The following CUL2 variants were observed in gnomAD, a reference collection of about 807,000 sequenced individuals.
The protein encoded by CUL2 is cullin 2.
Under a neutral mutation model 110.2 loss-of-function variants are expected in CUL2, and 22 were observed. The observed-to-expected ratio is 0.20, with a 90% CI of 0.14 to 0.28. The LOEUF is 0.28. Ranked by LOEUF, CUL2 falls within the 10% of genes least tolerant of loss-of-function variation. CUL2 has a pLI of 1.00. For missense variants in CUL2, 631 were observed against 905.5 expected (o/e 0.70, Z 3.89); for synonymous variants, 279 against 293.2 (o/e 0.95, Z 0.49).
At chr10:35,074,355 G>C in intron 1 of CUL2, 2 of 695,738 alleles carry the variant, frequency 2.9e-6, no homozygotes, top group African/African-American at 1.8e-5. Flanking sequence ...ACTTCTCTCT[G>C]CTTAGAGATC....
intron 1 of CUL2, among the ~76,000 whole-genome samples, chr10:35,081,068 G>C (rs905044402): frequency 3.9e-5 from 6 of 151,992 alleles, no homozygotes; most frequent in African/African-American, 1.2e-4. Flanking sequence ...TAAAATTATA[G>C]TAGCTGGGCC....
At chr10:35,012,027 A>G in intron 19 of CUL2, 63 bp from the exon 20 acceptor site, 1 of 973,678 alleles carries the variant, frequency 1.0e-6, no homozygotes, top group Non-Finnish European at 1.5e-6. Flanking sequence ...CTTGTTTTCA[A>G]TTCATTTTAT....
intron 8 of CUL2, among the ~76,000 whole-genome samples, chr10:35,039,929 G>T (rs1564714123): frequency 6.6e-6 from 1 of 152,132 alleles, no homozygotes. Context: ...GAGGTGGGTG[G>T]ATCACATGAG....
intron 18 of CUL2, among the ~76,000 whole-genome samples, chr10:35,015,686 GTTATTC>G (rs2085009775): frequency 6.6e-6 from 1 of 152,146 alleles, no homozygotes; most frequent in Non-Finnish European, 1.5e-5. Context: ...CTAATGGCTT[GTTATTC>G]TTGTGACAGA....
chr10:35,033,948 A>T (rs1808696482), intron 10 of CUL2, among the ~76,000 whole-genome samples: 1 of 152,180 alleles, frequency 6.6e-6, no homozygotes, highest in South Asian at 2.1e-4. Context: ...ATAAGCAAAG[A>T]CTGCCTGCAA....
Position 35,108,071 on chromosome 10 carries a change from C to T in CUL2, c.-50-7011G>A, listed in dbSNP as rs999811737. On this transcript the variant is annotated intron_variant, in intron 1 of 5. Transcript: ENST00000685421. ...TTTCATGTTGGAAAAATAACATCTT[C>T]GCCTTTTGTGAATGGAAAATGGATT... 3.3e-5 allele frequency among the ~76,000 whole-genome samples: 5 copies of T among 151,914 alleles called. No homozygotes were observed. In the East Asian group the frequency reaches 5.8e-4, roughly 18 times the overall value.
At chr10:35,055,178 CTG>C (rs2134879520) in intron 4 of CUL2, among the ~76,000 whole-genome samples, 1 of 152,358 alleles carries the variant, frequency 6.6e-6, no homozygotes, top group Admixed American at 6.5e-5. Flanking sequence ...TAATGTTCAA[CTG>C]TGTAGTTTTT....
At chr10:35,089,043 C>T (rs1230074846) in intron 1 of CUL2, among the ~76,000 whole-genome samples, 2 of 152,110 alleles carry the variant, frequency 1.3e-5, no homozygotes, top group African/African-American at 2.4e-5. Flanking sequence ...GGCATGGTGG[C>T]GCATGCCAGT....
intron 17 of CUL2, among the ~76,000 whole-genome samples, chr10:35,023,992 G>A (rs752170798): frequency 6.6e-5 from 10 of 151,898 alleles, no homozygotes; most frequent in Admixed American, 2.6e-4. Context: ...GCTCCACCAC[G>A]CCTGGCTAAT....
intron 1 of CUL2, among the ~76,000 whole-genome samples, chr10:35,088,499 C>CAAAAAAAA (rs9299718): frequency 2.8e-4 from 25 of 88,548 alleles, no homozygotes; most frequent in Admixed American, 4.6e-4. Flanking sequence ...GACTCCGCCT[C>CAAAAAAAA]AAAAAAAAAA....
At chr10:35,039,995 T>C (rs1174761970) in intron 8 of CUL2, among the ~76,000 whole-genome samples, 1 of 151,952 alleles carries the variant, frequency 6.6e-6, no homozygotes, top group East Asian at 1.9e-4. Flanking sequence ...TCTACAAAAA[T>C]ACAAAAAATT....
rs970336311 is a variant in CUL2, at chr10:35,010,295, C to G, written c.*16G>C. 3 of 1,595,950 alleles carry G rather than the reference C, an allele frequency of 1.9e-6. No homozygotes were observed. The highest frequency in any genetic ancestry group is 2.6e-6 in the Non-Finnish European group (3 of 1,170,598). On this transcript the variant is annotated 3_prime_UTR_variant, in exon 21 of 21. Transcript: ENST00000374749. ...ATGGCAATGATCTTCTCACACCACG[C>G]TGGAGGAGAGCGACATCACGCGACG...
intron 4 of CUL2, among the ~76,000 whole-genome samples, chr10:35,057,968 C>T (rs2086285083): frequency 6.7e-6 from 1 of 150,242 alleles, no homozygotes. Flanking sequence ...TGTGGTGGCG[C>T]GTGCCAGTAA....
At position 35,016,497 on chromosome 10, in the gene CUL2, T is replaced by C. The variant is rs952459256; in HGVS notation, c.1685-103A>G. ...CTTCGGAAAGAGTGAACCAATAATT[T>C]TATTAAATTGTTGTAAAGCCACTGC... On this transcript the variant is annotated intron_variant, in intron 17 of 20. Transcript: ENST00000374749. 6.5e-6 allele frequency: 6 copies of C among 917,698 alleles called. No homozygotes were observed. In the African/African-American group the frequency reaches 8.4e-5, roughly 13 times the overall value. The allele number at this position is 917,698 out of a possible 1,614,324, so 56.8% of individuals were successfully genotyped here. A position where few individuals can be genotyped will look rare whatever the true frequency, so the allele number is the denominator to read the frequency against.
intron 1 of CUL2, among the ~76,000 whole-genome samples, chr10:35,116,683 C>T (rs368025770): frequency 6.6e-6 from 1 of 152,102 alleles, no homozygotes; most frequent in Non-Finnish European, 1.5e-5. Flanking sequence ...ATTAGATGCT[C>T]TGGCTGGGCA....
At chr10:35,063,541 C>T (rs1382240653) in intron 2 of CUL2, among the ~76,000 whole-genome samples, 1 of 152,140 alleles carries the variant, frequency 6.6e-6, no homozygotes, top group Non-Finnish European at 1.5e-5. Context: ...TACATCATAG[C>T]AGTCAGGATA....
Position 35,102,899 on chromosome 10 carries a change from A to T in CUL2, c.-50-1839T>A, listed in dbSNP as rs551684021. Among the ~76,000 whole-genome samples, 510 of 152,044 alleles carry T rather than the reference A, an allele frequency of 3.4e-3. 2 individuals carry two copies. The highest frequency in any genetic ancestry group is 0.014 in the South Asian group (67 of 4,814). ...CTCTGTCTCAGAAAAAAAAAAAAAA[A>T]ATTTTAAGAAGAAACAACCTAGGTG... is the stretch of plus-strand genomic sequence containing the variant. On this transcript the variant is annotated intron_variant, in intron 1 of 5. Transcript: ENST00000685421.
intron 1 of CUL2, among the ~76,000 whole-genome samples, chr10:35,105,090 C>T (rs1038011958): frequency 2.0e-4 from 30 of 151,494 alleles, no homozygotes; most frequent in Admixed American, 2.0e-3. Flanking sequence ...ACACGACATT[C>T]AATAGGGATT....
At chr10:35,013,164 C>A (rs2084945928) in intron 19 of CUL2, among the ~76,000 whole-genome samples, 2 of 152,012 alleles carry the variant, frequency 1.3e-5, no homozygotes, top group South Asian at 4.2e-4. Context: ...CACAGTGAAA[C>A]CCCGTCTATA....
Sources: gnomAD v4.1 joint callset for allele counts (sites outside exome capture counted in the v4.1 genomes callset) on GRCh38, gnomAD v4.1.1 for gene constraint, MANE v1.5 for transcripts, NCBI Gene and HGNC (gene_info 2026-07-23, HGNC 2026-07-21) for gene names.